The following FRRS1L variants were observed in gnomAD, a reference collection of about 807,000 sequenced individuals.
The protein encoded by FRRS1L is DOMON domain-containing protein FRRS1L.
Under a neutral mutation model 28.6 loss-of-function variants are expected in FRRS1L, and 22 were observed. The observed-to-expected ratio is 0.77, with a 90% CI of 0.55 to 1.10. FRRS1L has a LOEUF of 1.10. Among genes scored for constraint, FRRS1L ranks in the 50% least tolerant of loss-of-function variants. FRRS1L has a pLI of 0.00. For synonymous variants in FRRS1L, 158 were observed against 151.4 expected, an observed-to-expected ratio of 1.04 and a Z score of -0.32; for missense variants, 380 against 386.9, an observed-to-expected ratio of 0.98 and a Z score of 0.15.
Position 109,137,732 on chromosome 9 carries a change from G to A in FRRS1L, c.710-105C>T, listed in dbSNP as rs547801300. Reference sequence around the variant, plus strand: ...CAAAAGTCTATTTAGTGTTGAATACGTAAGCAGTGGTTACAAAGATCTGGA... The same window carrying A: ...CAAAAGTCTATTTAGTGTTGAATACATAAGCAGTGGTTACAAAGATCTGGA... On this transcript the variant is annotated intron_variant, in intron 4 of 4. Coordinates refer to ENST00000561981, the MANE Select transcript of FRRS1L (RefSeq NM_014334.4). 1.2e-4 allele frequency: 70 copies of A among 577,284 alleles called. 1 individual carries two copies. The South Asian group carries it at 2.5e-3, about 20-fold the overall frequency. The allele number at this position is 577,284 out of a possible 1,614,324, so 35.8% of individuals were successfully genotyped here. A position where few individuals can be genotyped will look rare whatever the true frequency, so the allele number is the denominator to read the frequency against.
At chr9:109,163,258 G>T (rs1343778474) in intron 1 of FRRS1L, among the ~76,000 whole-genome samples, 2 of 152,206 alleles carry the variant, frequency 1.3e-5, no homozygotes, top group Non-Finnish European at 2.9e-5. Context: ...TCAAGGGAAA[G>T]AAGTATGAGT....
intron 1 of FRRS1L, among the ~76,000 whole-genome samples, chr9:109,164,692 G>A (rs139901991): frequency 6.6e-5 from 10 of 152,268 alleles, no homozygotes; most frequent in African/African-American, 2.2e-4. Context: ...CACCACGCCC[G>A]GCCCCATCAC....
intron 1 of FRRS1L, among the ~76,000 whole-genome samples, chr9:109,158,967 T>C (rs1165969239): frequency 6.6e-6 from 1 of 152,214 alleles, no homozygotes; most frequent in African/African-American, 2.4e-5. Context: ...TTCACCTCCT[T>C]GCCAGGACTT....
At chr9:109,151,088 C>T (rs1831325061) in intron 1 of FRRS1L, 1 of 152,202 alleles carries the variant, frequency 6.6e-6, no homozygotes, top group Admixed American at 6.5e-5. Flanking sequence ...ACTTTTCTGG[C>T]ACACTTCTGT....
Position 109,155,012 on chromosome 9 carries a change from A to G in FRRS1L, c.239-5292T>C, listed in dbSNP as rs868684275. On this transcript the variant is annotated intron_variant, in intron 1 of 4. Coordinates refer to ENST00000561981, the MANE Select transcript of FRRS1L (RefSeq NM_014334.4). The stretch of plus-strand genomic sequence containing the variant: ...ATGATTACCTTACACGATAATTACC[A>G]AACTGCCTTCAGCAGATCCTGGATC... 7.2e-5 allele frequency among the ~76,000 whole-genome samples: 11 copies of G among 152,336 alleles called. No homozygotes were observed. The South Asian group carries it at 1.2e-3, about 17-fold the overall frequency.
chr9:109,139,266 A>C (rs1831150861), intron 4 of FRRS1L: 1 of 152,192 alleles, frequency 6.6e-6, no homozygotes, highest in Non-Finnish European at 1.5e-5. Flanking sequence ...AGCAGAAGCC[A>C]GTATATGGGG....
chr9:109,139,897 C>T (rs1402636715), intron 4 of FRRS1L: 1 of 152,202 alleles, frequency 6.6e-6, no homozygotes, highest in Non-Finnish European at 1.5e-5. Context: ...AGTTGATGAG[C>T]ACACAGTAAA....
chr9:109,147,181 T>C lies in FRRS1L; in HGVS notation c.332A>G (p.Lys111Arg). Residue 111 changes from lysine to arginine, a missense_variant, in exon 3 of 5, where the codon AAA becomes AGA. Transcript: ENST00000561981. ...ACAGGTCTCTGCATTACAGCCTGGT[T>C]TGCCATATCTAGAAGAGATATCGAA... Reference protein sequence around the residue: ...GKTKGCFRYGKPGCNAETCDY... With the variant: ...GKTKGCFRYGRPGCNAETCDY... The C allele has an allele frequency of 6.2e-7, 1 of 1,613,478 alleles. No individual in the cohort carries two copies. Among genetic ancestry groups the C allele is most frequent in the Non-Finnish European group, 8.5e-7 (1 of 1,179,386 alleles).
intron 1 of FRRS1L, among the ~76,000 whole-genome samples, chr9:109,161,830 C>T (rs990449510): frequency 2.6e-5 from 4 of 152,190 alleles, no homozygotes; most frequent in Non-Finnish European, 4.4e-5. Flanking sequence ...TCCCGACGGC[C>T]TCAATTTTTG....
chr9:109,164,861 T>G (rs1263075517), intron 1 of FRRS1L, among the ~76,000 whole-genome samples: 2 of 152,236 alleles, frequency 1.3e-5, no homozygotes, highest in Admixed American at 1.3e-4. Flanking sequence ...GCCTTCCCTC[T>G]TCTGTGTCAC....
At chr9:109,152,545 C>T (rs1831343752) in intron 1 of FRRS1L, among the ~76,000 whole-genome samples, 1 of 151,696 alleles carries the variant, frequency 6.6e-6, no homozygotes, top group Non-Finnish European at 1.5e-5. Flanking sequence ...TGGCTCACAC[C>T]TGTAATCCCA....
At chr9:109,148,037 T>G (rs1052717884) in intron 2 of FRRS1L, 4 of 152,068 alleles carry the variant, frequency 2.6e-5, no homozygotes, top group African/African-American at 9.7e-5. Context: ...GGCGGGATCT[T>G]GGCTCACTGC....
intron 1 of FRRS1L, among the ~76,000 whole-genome samples, chr9:109,165,847 A>T (rs569338641): frequency 6.6e-6 from 1 of 152,360 alleles, no homozygotes; most frequent in East Asian, 1.9e-4. Context: ...GCTGTAGCTC[A>T]AGCAGTTATT....
chr9:109,156,690 T>G (rs1460715760), intron 1 of FRRS1L, among the ~76,000 whole-genome samples: 6 of 95,802 alleles, frequency 6.3e-5, no homozygotes, highest in Admixed American at 1.1e-4. Context: ...CACCTGGATG[T>G]TTTTTTTTTT....
At position 109,141,535 on chromosome 9, in the gene FRRS1L, G is replaced by A. The variant is rs1564229174; in HGVS notation, c.517C>T (p.Gln173Ter). The change falls in exon 4 of 5, where the codon CAG becomes TAG. Residue 173 changes from glutamine (Q) to a stop codon, truncating the protein, a stop_gained. Coordinates refer to ENST00000561981, the MANE Select transcript of FRRS1L (RefSeq NM_014334.4). LOFTEE classifies it high-confidence loss of function. ...VHDDNGRVRI[Q>*]HFYNVGQWAK... The stretch of plus-strand genomic sequence containing the variant: ...CACTGGCCTACATTATAGAAGTGCT[G>A]TATGCGGACCCTGCCATTGTCATCA... The A allele has an allele frequency of 6.2e-7, 1 of 1,613,924 alleles. No homozygotes were observed. The highest frequency in any genetic ancestry group is 1.3e-5 in the African/African-American group (1 of 74,968).
chr9:109,143,660 A>G (rs1217372830), intron 3 of FRRS1L, among the ~76,000 whole-genome samples: 79 of 151,270 alleles, frequency 5.2e-4, no homozygotes, highest in African/African-American at 1.8e-3. Flanking sequence ...GACTACAGGC[A>G]CCCGCCACCA....
chr9:109,155,917 T>C (rs1307736964), intron 1 of FRRS1L, among the ~76,000 whole-genome samples: 1 of 152,170 alleles, frequency 6.6e-6, no homozygotes, highest in Non-Finnish European at 1.5e-5. Flanking sequence ...GCATTGCACA[T>C]TTTAATTGGG....
chr9:109,166,998 CCG>C lies in FRRS1L; in HGVS notation c.139_140del (p.Arg47GlyfsTer57). ...CCGCCTCGTCGGCGCCCGTGTCCCC[CCG>C]CGCGCGTCCCCGGGGTCCCCGGCCC... is the stretch of plus-strand genomic sequence containing the variant. ...PGGRGPRGRA[R>X]GDTGADEAVP... On this transcript the variant is annotated frameshift_variant, in exon 1 of 5. Coordinates refer to ENST00000561981, the MANE Select transcript of FRRS1L (RefSeq NM_014334.4). LOFTEE classifies it high-confidence loss of function. The C allele has an allele frequency of 8.0e-7, 1 of 1,257,384 alleles. No homozygotes were observed. The highest frequency in any genetic ancestry group is 1.0e-6 in the Non-Finnish European group (1 of 1,000,102). The allele number at this position is 1,257,384 out of a possible 1,614,324, so 77.9% of individuals were successfully genotyped here. A position where few individuals can be genotyped will look rare whatever the true frequency, so the allele number is the denominator to read the frequency against.
rs190893246 is a variant in FRRS1L, at chr9:109,152,631, G to A, written c.239-2911C>T. Among the ~76,000 whole-genome samples, 1,123 of 150,448 alleles carry A rather than the reference G, an allele frequency of 7.5e-3. 8 individuals are homozygous for A. The highest frequency in any genetic ancestry group is 0.012 in the Non-Finnish European group (825 of 67,566). Reference sequence around the variant, plus strand: ...CATCCTGGCTAACACAGTGAAACCCGTCTCTACTAAAAAATACAAAAAATT... The same window carrying A: ...CATCCTGGCTAACACAGTGAAACCCATCTCTACTAAAAAATACAAAAAATT... On this transcript the variant is annotated intron_variant, in intron 1 of 4. Coordinates refer to ENST00000561981, the MANE Select transcript of FRRS1L (RefSeq NM_014334.4).
Sources: allele counts gnomAD v4.1 joint callset (sites outside exome capture counted in the v4.1 genomes callset), GRCh38; gene constraint gnomAD v4.1.1; transcripts MANE v1.5; gene names NCBI Gene and HGNC (gene_info 2026-07-23, HGNC 2026-07-21).